SH3RF3: variants seen among roughly 807,000 people sequenced by gnomAD.
SH3RF3 encodes SH3 domain containing ring finger 3.
SH3RF3 carries 29 observed loss-of-function variants against 66.3 expected under a neutral mutation model. The observed-to-expected ratio is 0.44, with a 90% confidence interval of 0.33 to 0.60. SH3RF3 has a LOEUF of 0.60. SH3RF3 is among the 20% of genes least tolerant of loss of function. The probability of loss-of-function intolerance (pLI) is 0.04; values close to 1 mark genes in which losing one functional copy is unlikely to be tolerated. For synonymous variants in SH3RF3, 583 were observed against 532.0 expected (o/e 1.10, Z -1.32); for missense variants, 1,194 against 1,190.9 (o/e 1.00, Z -0.04).
At chr2:109,338,237 A>G (rs1682475430) in intron 1 of SH3RF3, among the ~76,000 whole-genome samples, 3 of 152,164 alleles carry the variant, frequency 2.0e-5, no homozygotes, top group South Asian at 4.2e-4. Context: ...CACATTTAGG[A>G]TCCCTGTGAG....
intron 3 of SH3RF3, among the ~76,000 whole-genome samples, chr2:109,391,383 T>C (rs907946194): frequency 2.6e-5 from 4 of 152,194 alleles, no homozygotes; most frequent in African/African-American, 9.6e-5. Context: ...TGCCATGTGC[T>C]GGAGGGATGC....
intron 1 of SH3RF3, among the ~76,000 whole-genome samples, chr2:109,157,673 G>A (rs1194073835): frequency 1.3e-5 from 2 of 152,176 alleles, no homozygotes; most frequent in African/African-American, 4.8e-5. Context: ...TGATTCAGTT[G>A]GTTACTGAGC....
At chr2:109,426,976 ATAT>A (rs1278303285) in intron 5 of SH3RF3, among the ~76,000 whole-genome samples, 1,231 of 108,122 alleles carry the variant, frequency 0.011, 20 homozygotes, top group African/African-American at 0.047. Flanking sequence ...ATATATATAT[ATAT>A]TTTTTTTTGA....
chr2:109,451,171 C>G (rs1339564087), intron 8 of SH3RF3, among the ~76,000 whole-genome samples: 1 of 152,246 alleles, frequency 6.6e-6, no homozygotes, highest in Non-Finnish European at 1.5e-5. Flanking sequence ...TAGCAAAGCT[C>G]AGGTCTGCTC....
intron 1 of SH3RF3, among the ~76,000 whole-genome samples, chr2:109,134,663 T>C (rs1203227332): frequency 6.6e-6 from 1 of 152,084 alleles, no homozygotes; most frequent in Non-Finnish European, 1.5e-5. Flanking sequence ...CGGCACACAG[T>C]TAATGAGGGT....
intron 1 of SH3RF3, among the ~76,000 whole-genome samples, chr2:109,276,350 A>G (rs936343189): frequency 6.6e-6 from 1 of 152,184 alleles, no homozygotes; most frequent in Non-Finnish European, 1.5e-5. Context: ...TTGATGGCAA[A>G]TATGTGTCCC....
intron 1 of SH3RF3, among the ~76,000 whole-genome samples, chr2:109,138,259 C>A (rs1226234982): frequency 6.6e-6 from 1 of 152,152 alleles, no homozygotes; most frequent in African/African-American, 2.4e-5. Context: ...GAACTCCTGA[C>A]CTCGTGATCC....
intron 3 of SH3RF3, among the ~76,000 whole-genome samples, chr2:109,378,118 G>A (rs2104366906): frequency 6.6e-6 from 1 of 152,292 alleles, no homozygotes; most frequent in African/African-American, 2.4e-5. Flanking sequence ...TCCCATGAGA[G>A]CCACAAGGGA....
intron 5 of SH3RF3, among the ~76,000 whole-genome samples, chr2:109,427,564 A>G (rs1163590180): frequency 6.6e-6 from 1 of 152,158 alleles, no homozygotes; most frequent in Admixed American, 6.5e-5. Flanking sequence ...TGAGGCCAGT[A>G]CCACTGGCCC....
chr2:109,345,565 A>G (rs944063161), intron 1 of SH3RF3, among the ~76,000 whole-genome samples: 3 of 152,134 alleles, frequency 2.0e-5, no homozygotes, highest in Non-Finnish European at 2.9e-5. Context: ...TTTTGTGTGC[A>G]TCTTGTTGAG....
intron 3 of SH3RF3, among the ~76,000 whole-genome samples, chr2:109,387,869 T>C (rs1284897010): frequency 1.5e-5 from 2 of 134,236 alleles, no homozygotes; most frequent in Non-Finnish European, 3.2e-5. Context: ...GGGGGGGGGG[T>C]CTCCTCCCCC....
intron 1 of SH3RF3, among the ~76,000 whole-genome samples, chr2:109,136,755 G>A (rs1676823981): frequency 6.6e-6 from 1 of 152,200 alleles, no homozygotes; most frequent in Admixed American, 6.5e-5. Flanking sequence ...AGGCTCACAT[G>A]AATTTATGTG....
At chr2:109,481,872 C>T (rs1678845497) in intron 8 of SH3RF3, among the ~76,000 whole-genome samples, 1 of 152,110 alleles carries the variant, frequency 6.6e-6, no homozygotes, top group Non-Finnish European at 1.5e-5. Flanking sequence ...GAGCAATTGG[C>T]CAAGTCACTG....
At chr2:109,173,847 G>A (rs769972826) in intron 1 of SH3RF3, among the ~76,000 whole-genome samples, 7 of 152,220 alleles carry the variant, frequency 4.6e-5, no homozygotes, top group African/African-American at 1.7e-4. Context: ...CTTGGAATTG[G>A]ATGTTCAGAC....
At chr2:109,257,115 A>G (rs897024689) in intron 1 of SH3RF3, among the ~76,000 whole-genome samples, 3 of 152,156 alleles carry the variant, frequency 2.0e-5, no homozygotes, top group Non-Finnish European at 4.4e-5. Flanking sequence ...AAAGCCACTG[A>G]ATCCCTCATG....
At chr2:109,405,024 C>T (rs1676418805) in intron 4 of SH3RF3, among the ~76,000 whole-genome samples, 2 of 149,126 alleles carry the variant, frequency 1.3e-5, no homozygotes, top group African/African-American at 4.9e-5. Flanking sequence ...CCTTCTCTTC[C>T]CCTACATCTC....
intron 1 of SH3RF3, among the ~76,000 whole-genome samples, chr2:109,165,513 G>A (rs1303417873): frequency 6.6e-6 from 1 of 152,242 alleles, no homozygotes; most frequent in African/African-American, 2.4e-5. Flanking sequence ...ACCAGCAGTA[G>A]TTGGGACCCA....
intron 1 of SH3RF3, among the ~76,000 whole-genome samples, chr2:109,345,908 G>A (rs1489192088): frequency 1.3e-5 from 2 of 152,150 alleles, no homozygotes; most frequent in Non-Finnish European, 2.9e-5. Flanking sequence ...TTACATGTTG[G>A]TAGCACCCCA....
At chr2:109,346,871 T>C (rs1682721209) in intron 1 of SH3RF3, among the ~76,000 whole-genome samples, 1 of 152,216 alleles carries the variant, frequency 6.6e-6, no homozygotes, top group Admixed American at 6.5e-5. Flanking sequence ...TGAACAATTG[T>C]ACTTCTGGAA....
Sources: allele counts gnomAD v4.1 joint callset (sites outside exome capture counted in the v4.1 genomes callset), GRCh38; gene constraint gnomAD v4.1.1; transcripts MANE v1.5; gene names NCBI Gene and HGNC (gene_info 2026-07-23, HGNC 2026-07-21).